DMD: variants seen among roughly 807,000 people sequenced by gnomAD.
DMD encodes dystrophin.
DMD carries 63 observed loss-of-function variants against 330.1 expected under a neutral mutation model. That is an observed-to-expected ratio of 0.19 (90% CI 0.16 to 0.24). The LOEUF is 0.24. DMD is among the 10% of genes least tolerant of loss of function. The pLI, the probability that DMD is intolerant of heterozygous loss-of-function variation, is 1.00. For missense variants in DMD, 3,344 were observed against 2,684.1 expected, an observed-to-expected ratio of 1.25 and a Z score of -5.43; for synonymous variants, 1,223 against 959.8, an observed-to-expected ratio of 1.27 and a Z score of -5.07.
chrX:31,971,521 C>A (rs6628660), intron 44 of DMD, among the ~76,000 whole-genome samples: 34,764 of 110,056 alleles, frequency 0.32, 4,752 homozygotes, highest in African/African-American at 0.54. Context: ...GAGCTCATTA[C>A]ACAGTCTACT....
intron 2 of DMD, among the ~76,000 whole-genome samples, chrX:32,964,404 G>T (rs985191265): frequency 2.7e-5 from 3 of 110,605 alleles, no homozygotes; most frequent in Non-Finnish European, 5.7e-5. Context: ...CAACCAAATA[G>T]AAATGCAGAG....
At chrX:31,178,875 T>G in intron 69 of DMD, 70 bp from the exon 70 acceptor site, 1 of 1,123,091 alleles carries the variant, frequency 8.9e-7, no homozygotes, top group Non-Finnish European at 1.2e-6. Flanking sequence ...CACTCCAGTC[T>G]TCTGCCCCAT....
chrX:31,640,904 T>G (rs146859166), intron 54 of DMD, among the ~76,000 whole-genome samples: 4 of 112,063 alleles, frequency 3.6e-5, no homozygotes, highest in Non-Finnish European at 7.5e-5. Context: ...TGCTGAAGAT[T>G]TGCTCAGATA....
intron 44 of DMD, among the ~76,000 whole-genome samples, chrX:31,983,247 A>G (rs1338995523): frequency 9.0e-6 from 1 of 111,012 alleles, no homozygotes; most frequent in Non-Finnish European, 1.9e-5. Context: ...TGATGTCAAC[A>G]TGCTCCATCA....
At chrX:31,189,992 G>C (rs968415823) in intron 67 of DMD, among the ~76,000 whole-genome samples, 4 of 112,414 alleles carry the variant, frequency 3.6e-5, no homozygotes, top group Non-Finnish European at 5.6e-5. Flanking sequence ...GGTATGTACA[G>C]AATGATCTGG....
chrX:33,272,021 T>A (rs946666158), intron 1 of DMD, among the ~76,000 whole-genome samples: 1 of 109,610 alleles, frequency 9.1e-6, no homozygotes, highest in Non-Finnish European at 1.9e-5. Flanking sequence ...GTAGCTGGGA[T>A]TACAGGTGCC....
At position 31,914,782 on chromosome X, in the gene DMD, C is replaced by CA. The variant is rs749942004; in HGVS notation, c.6912+14813dup. Among the ~76,000 whole-genome samples, 160 of 111,547 alleles carry CA rather than the reference C, an allele frequency of 1.4e-3. 1 individual carries two copies. The highest frequency in any genetic ancestry group is 0.014 in the Middle Eastern group (3 of 218). On this transcript the variant is annotated intron_variant, in intron 47 of 78. Transcript: ENST00000357033. ...GGGGCAGCGGGATGGTTAATGGGTA[C>CA]AAAAAATACTTAGGAAAAATGAATA...
intron 2 of DMD, among the ~76,000 whole-genome samples, chrX:32,950,767 A>G (rs1293191240): frequency 9.0e-6 from 1 of 111,650 alleles, no homozygotes; most frequent in Non-Finnish European, 1.9e-5. Context: ...GGTAGGCAAG[A>G]CGCATGAACA....
At chrX:32,908,878 T>C (rs747654692) in intron 2 of DMD, among the ~76,000 whole-genome samples, 18 of 111,233 alleles carry the variant, frequency 1.6e-4, no homozygotes, top group African/African-American at 5.9e-4. Context: ...CCTGAAAATT[T>C]AGGATGTATT....
chrX:32,955,386 G>GTTT (rs34646727), intron 2 of DMD, among the ~76,000 whole-genome samples: 2 of 105,089 alleles, frequency 1.9e-5, no homozygotes, highest in African/African-American at 6.9e-5. Flanking sequence ...TTTTAGTAGG[G>GTTT]TTTTTTTTTC....
chrX:32,250,516 A>C (rs1266299756), intron 43 of DMD, among the ~76,000 whole-genome samples: 1 of 111,969 alleles, frequency 8.9e-6, no homozygotes. Context: ...TGCGGGTCAA[A>C]AGGAAATTAA....
At chrX:32,355,135 ATTT>A (rs2097794648) in intron 37 of DMD, among the ~76,000 whole-genome samples, 1 of 110,911 alleles carries the variant, frequency 9.0e-6, no homozygotes, top group Admixed American at 9.6e-5. Context: ...TGTTCTTGTC[ATTT>A]TTAATACAAA....
intron 18 of DMD, among the ~76,000 whole-genome samples, chrX:32,504,387 G>A (rs1280667706): frequency 6.3e-5 from 7 of 111,144 alleles, no homozygotes; most frequent in Non-Finnish European, 1.1e-4. Context: ...ACTTTGGGGG[G>A]CCAACGCGGG....
chrX:32,895,906 T>A (rs1185544222), intron 2 of DMD, among the ~76,000 whole-genome samples: 1 of 110,159 alleles, frequency 9.1e-6, no homozygotes, highest in African/African-American at 3.3e-5. Context: ...ACATTGCTAG[T>A]CTTGTAATCT....
chrX:31,967,812 A>C (rs2095365261), intron 45 of DMD, among the ~76,000 whole-genome samples: 1 of 111,813 alleles, frequency 8.9e-6, no homozygotes, highest in South Asian at 3.7e-4. Flanking sequence ...TTTGACAGTA[A>C]CCTTTTTGAG....
chrX:32,964,728 A>C (rs1419127808), intron 2 of DMD, among the ~76,000 whole-genome samples: 1 of 111,504 alleles, frequency 9.0e-6, no homozygotes, highest in African/African-American at 3.3e-5. Context: ...AATCAAAACA[A>C]AACAAAAAGT....
intron 1 of DMD, among the ~76,000 whole-genome samples, chrX:33,164,831 G>C (rs899934294): frequency 4.5e-5 from 5 of 110,599 alleles, no homozygotes; most frequent in Admixed American, 9.7e-5. Context: ...ACAGAGGCCA[G>C]ATGGGACTTC....
At chrX:31,719,205 C>A (rs760934541) in intron 52 of DMD, among the ~76,000 whole-genome samples, 21 of 111,893 alleles carry the variant, frequency 1.9e-4, no homozygotes, top group African/African-American at 6.2e-4. Context: ...TAACAAGAGT[C>A]CTAATGGTTA....
intron 54 of DMD, among the ~76,000 whole-genome samples, chrX:31,645,618 C>G (rs1176409114): frequency 1.8e-5 from 2 of 112,406 alleles, no homozygotes; most frequent in African/African-American, 3.2e-5. Context: ...CCTTCAGTGG[C>G]CTGGCCTATA....
Sources: gnomAD v4.1 joint callset for allele counts (sites outside exome capture counted in the v4.1 genomes callset) on GRCh38, gnomAD v4.1.1 for gene constraint, MANE v1.5 for transcripts, NCBI Gene and HGNC (gene_info 2026-07-23, HGNC 2026-07-21) for gene names.